UBE2G2: variants seen among roughly 807,000 people sequenced by gnomAD.
The protein encoded by UBE2G2 is ubiquitin conjugating enzyme E2 G2, also known as ubiquitin-conjugating enzyme E2 G2.
UBE2G2 carries 10 observed loss-of-function variants against 23.0 expected under a neutral mutation model. That is an observed-to-expected ratio of 0.43 (90% CI 0.27 to 0.74). UBE2G2 has a LOEUF of 0.74. Ranked by LOEUF, UBE2G2 falls within the 30% of genes least tolerant of loss-of-function variation. The probability of loss-of-function intolerance (pLI) is 0.19; values close to 1 mark genes in which losing one functional copy is unlikely to be tolerated. For missense variants in UBE2G2, 150 were observed against 218.3 expected (o/e 0.69, Z 1.97); for synonymous variants, 86 against 81.3 (o/e 1.06, Z -0.31).
At chr21:44,781,768 C>T (rs1468575211) in intron 3 of UBE2G2, among the ~76,000 whole-genome samples, 1 of 152,128 alleles carries the variant, frequency 6.6e-6, no homozygotes, top group Non-Finnish European at 1.5e-5. Context: ...CCAGGCGATA[C>T]TCAGGTAGAT....
intron 4 of UBE2G2, 34 bp downstream of exon 4, chr21:44,777,265 T>C (rs782769374): frequency 3.9e-6 from 6 of 1,556,494 alleles, no homozygotes; most frequent in Non-Finnish European, 5.3e-6. Flanking sequence ...GTACCTATCC[T>C]GGTACCACAA....
intron 1 of UBE2G2, among the ~76,000 whole-genome samples, chr21:44,792,281 G>T (rs2083051740): frequency 6.6e-6 from 1 of 152,150 alleles, no homozygotes; most frequent in Non-Finnish European, 1.5e-5. Context: ...GTTTTGAAAG[G>T]AACATGAGAT....
At position 44,779,510 on chromosome 21, in the gene UBE2G2, C is replaced by T. The variant is rs1400312064; in HGVS notation, c.126-2093G>A. Among the ~76,000 whole-genome samples the T allele has an allele frequency of 2.6e-5, 4 of 152,040 alleles. No homozygotes were observed. The East Asian group carries it at 7.7e-4, about 29-fold the overall frequency. ...AGAGGACAGTGCCCGGATGAGTACC[C>T]CCCCCGGCCCACACTGGCACCCAGC... is the stretch of plus-strand genomic sequence containing the variant. On this transcript the variant is annotated intron_variant, in intron 3 of 5. Transcript: ENST00000345496.
At chr21:44,798,132 G>T (rs906903336) in intron 1 of UBE2G2, among the ~76,000 whole-genome samples, 2 of 152,098 alleles carry the variant, frequency 1.3e-5, no homozygotes, top group Non-Finnish European at 2.9e-5. Context: ...CTCCAACCTG[G>T]GTGACAGAGC....
rs1447554840 is a variant in UBE2G2, at chr21:44,769,230, G to C, written c.*2147C>G. The C allele has an allele frequency of 1.3e-5, 2 of 152,104 alleles. No homozygotes were observed. The highest frequency in any genetic ancestry group is 4.8e-5 in the African/African-American group (2 of 41,404). The allele number at this position is 152,104 out of a possible 1,614,324, so 9.4% of individuals were successfully genotyped here. The stretch of plus-strand genomic sequence containing the variant: ...TCCAGGCAATTGTGTGCCCCTCCAG[G>C]GCCTGCACCCACAGACCCCGTCTAC... On this transcript the variant is annotated 3_prime_UTR_variant, in exon 6 of 6. Transcript: ENST00000345496.
At chr21:44,773,824 CT>C in intron 4 of UBE2G2, 137 bp from the exon 5 acceptor site, 2 of 1,223,638 alleles carry the variant, frequency 1.6e-6, no homozygotes, top group Non-Finnish European at 2.2e-6. Context: ...GGGGCATAGC[CT>C]GGGGCCCTGA....
At chr21:44,783,475 G>C (rs2082971960) in intron 3 of UBE2G2, among the ~76,000 whole-genome samples, 2 of 152,346 alleles carry the variant, frequency 1.3e-5, no homozygotes, top group South Asian at 4.1e-4. Context: ...AGTGTTTACA[G>C]CAGCATTGCT....
intron 4 of UBE2G2, 56 bp from the exon 5 acceptor site, chr21:44,773,743 GC>G: frequency 6.3e-7 from 1 of 1,586,254 alleles, no homozygotes; most frequent in South Asian, 1.1e-5. Context: ...AGGCATCGCC[GC>G]GCTTGGGCAG....
chr21:44,777,046 G>A (rs989541174), intron 4 of UBE2G2: 4 of 401,078 alleles, frequency 1.0e-5, no homozygotes, highest in African/African-American at 8.3e-5. Context: ...CCTCCCCAGT[G>A]AAGTAGGGTG....
At position 44,773,607 on chromosome 21, in the gene UBE2G2, G is replaced by A. The variant is rs573484174; in HGVS notation, c.325C>T (p.Arg109Trp). The change falls in exon 5 of 6, where the codon CGG (arginine) becomes TGG (tryptophan). Residue 109 changes from arginine (R) to tryptophan (W), a missense_variant. By Grantham distance (101) the Arg-to-Trp change is moderately radical (BLOSUM62 -3). Transcript: ENST00000345496. ...TCCACACTCTGCACAGGACTCCACC[G>A]CTCCGCGCTGCTCTCGTAGCCCATG... Reference protein sequence around the residue: ...DPMGYESSAERWSPVQSVEKI... With the variant: ...DPMGYESSAEWWSPVQSVEKI... 1.9e-6 allele frequency: 3 copies of A among 1,611,878 alleles called. No individual in the cohort carries two copies. The highest frequency in any genetic ancestry group is 1.3e-5 in the African/African-American group (1 of 75,032).
rs1555959979 is a variant in UBE2G2 at position 44,771,834 on chromosome 21, A to G, written c.386-345T>C. 6.6e-6 allele frequency among the ~76,000 whole-genome samples: 1 copy of G among 152,174 alleles called. No individual in the cohort carries two copies. The highest frequency in any genetic ancestry group is 1.5e-5 in the Non-Finnish European group (1 of 68,026). ...TGCACTTCTGGCACCCGGACAAGCT[A>G]CACGGGGACCACCTGCTGCTTATTT... On this transcript the variant is annotated intron_variant, in intron 5 of 5. Coordinates refer to ENST00000345496, the MANE Select transcript of UBE2G2 (RefSeq NM_003343.6). This position sits in a 1 kb window ranked among gnomAD's most constrained non-coding sequence, Gnocchi z 4.6.
chr21:44,787,085 T>A, intron 3 of UBE2G2, among the ~76,000 whole-genome samples: 1 of 119,702 alleles, frequency 8.4e-6, no homozygotes, highest in Non-Finnish European at 1.7e-5. Context: ...AGGGCGAAAC[T>A]CCATCTCAAA....
chr21:44,781,840 T>C (rs1310686017), intron 3 of UBE2G2, among the ~76,000 whole-genome samples: 1 of 152,214 alleles, frequency 6.6e-6, no homozygotes, highest in Non-Finnish European at 1.5e-5. Context: ...GAAATCATAG[T>C]AGGGGCAAAT....
intron 3 of UBE2G2, among the ~76,000 whole-genome samples, chr21:44,784,933 C>T (rs192418246): frequency 1.3e-4 from 20 of 152,304 alleles, no homozygotes; most frequent in Admixed American, 4.6e-4. Context: ...AGGGACTCCA[C>T]GCCTTGTCCG....
At chr21:44,793,344 C>G (rs1403319742) in intron 1 of UBE2G2, among the ~76,000 whole-genome samples, 2 of 152,180 alleles carry the variant, frequency 1.3e-5, no homozygotes, top group Non-Finnish European at 2.9e-5. Flanking sequence ...TGGAGTTCCC[C>G]TTTGGCACTC....
At chr21:44,794,544 T>A (rs1314300175) in intron 1 of UBE2G2, among the ~76,000 whole-genome samples, 2 of 151,286 alleles carry the variant, frequency 1.3e-5, no homozygotes. Context: ...TTTGTTTTTT[T>A]TTTTTTTTGA....
intron 1 of UBE2G2, among the ~76,000 whole-genome samples, chr21:44,790,739 T>G (rs1046834125): frequency 6.6e-6 from 1 of 152,244 alleles, no homozygotes; most frequent in Non-Finnish European, 1.5e-5. Context: ...CTTTCCTTTA[T>G]AAATTATCCA....
chr21:44,795,619 G>A (rs1174995267), intron 1 of UBE2G2, among the ~76,000 whole-genome samples: 2 of 150,944 alleles, frequency 1.3e-5, no homozygotes, highest in African/African-American at 4.9e-5. Flanking sequence ...GTGACAGAGT[G>A]AGAACCTGTC....
Position 44,772,769 on chromosome 21 carries a change from C to T in UBE2G2, c.385+778G>A, listed in dbSNP as rs1008674791. On this transcript the variant is annotated intron_variant, in intron 5 of 5. Coordinates refer to ENST00000345496, the MANE Select transcript of UBE2G2 (RefSeq NM_003343.6). This position sits in a 1 kb window ranked among gnomAD's most constrained non-coding sequence, Gnocchi z 5.4. ...CCAAACCCACCCCTTCCTCTTAGCC[C>T]TGGGACCACTCAGCCCTTCTCTTTT... Among the ~76,000 whole-genome samples, 3 of 152,288 alleles carry T rather than the reference C, an allele frequency of 2.0e-5. No individual in the cohort carries two copies. The highest frequency in any genetic ancestry group is 4.8e-5 in the African/African-American group (2 of 41,542).
Sources: allele counts gnomAD v4.1 joint callset (sites outside exome capture counted in the v4.1 genomes callset), GRCh38; gene constraint gnomAD v4.1.1; non-coding constraint Gnocchi (gnomAD v3.1); transcripts MANE v1.5; gene names NCBI Gene and HGNC (gene_info 2026-07-23, HGNC 2026-07-21).